Variants in FAM169A observed in about 807,000 individuals in gnomAD.
The protein encoded by FAM169A is soluble lamin-associated protein of 75 kDa.
A neutral mutation model predicts 75.7 loss-of-function variants in FAM169A; 24 were observed. The ratio of observed to expected loss-of-function variants is 0.32; its 90% CI spans 0.23 to 0.45. The LOEUF (loss-of-function observed/expected upper bound fraction) is 0.45. Ranked by LOEUF, FAM169A falls within the 20% of genes least tolerant of loss-of-function variation. The pLI is 1.00. For synonymous variants in FAM169A, 271 were observed against 271.0 expected (o/e 1.00, Z 0.00); for missense variants, 673 against 784.0 (o/e 0.86, Z 1.69).
At chr5:74,849,145 CAT>C (rs912218089) in intron 1 of FAM169A, among the ~76,000 whole-genome samples, 4 of 152,146 alleles carry the variant, frequency 2.6e-5, no homozygotes, top group Non-Finnish European at 4.4e-5. Flanking sequence ...TGTATAAAAA[CAT>C]AATACCAAGA....
chr5:74,831,525 T>A (rs566106542), intron 5 of FAM169A, among the ~76,000 whole-genome samples: 1 of 152,066 alleles, frequency 6.6e-6, no homozygotes, highest in Non-Finnish European at 1.5e-5. Context: ...GATTTCAGAT[T>A]TTGGGGGGAA....
Position 74,811,166 on chromosome 5 carries a change from T to A in FAM169A, c.670+2674A>T, listed in dbSNP as rs143576935. ...GCCCAGCTAATTTTCACATTTTTAA[T>A]GGAGATGGAATTTCACCATGTTGGC... On this transcript the variant is annotated intron_variant, in intron 6 of 12. Transcript: ENST00000687041. Among the ~76,000 whole-genome samples, 22 of 152,174 alleles carry A rather than the reference T, an allele frequency of 1.4e-4. No individual in the cohort carries two copies. The East Asian group carries it at 4.3e-3, about 29-fold the overall frequency.
Position 74,779,032 on chromosome 5 carries a change from CTCTATAA to C in FAM169A, c.*2421_*2427del. 1.3e-5 allele frequency: 2 copies of C among 152,206 alleles called. No homozygotes were observed. Among genetic ancestry groups the C allele is most frequent in the East Asian group, 3.9e-4 (2 of 5,188 alleles). 9.4% of individuals were successfully genotyped at this position (152,206 alleles called of 1,614,324 possible). A position where few individuals can be genotyped will look rare whatever the true frequency, so the allele number is the denominator to read the frequency against. On this transcript the variant is annotated 3_prime_UTR_variant, in exon 13 of 13. Coordinates refer to ENST00000687041, the MANE Select transcript of FAM169A (RefSeq NM_001376049.1). ...TTTTTCCAAGTGATCTAACTTTTCC[CTCTATAA>C]TCTATAAACCCCAAAATAACAATTT...
In FAM169A at chr5:74,781,868, A is replaced by G; in HGVS notation, c.1605T>C (p.Asn535=). Residue 535 remains asparagine (N), a synonymous_variant, in exon 13 of 13, where the codon AAT becomes AAC. Transcript: ENST00000687041. ...GAAAACCACCATCAGATCGTTCTTC[A>G]TTTGACATAGTAGCAACATTGTCTG... is the stretch of plus-strand genomic sequence containing the variant. ...GSSDNVATMS[N]EERSDGGFPN... 1 of 1,614,098 alleles carries G rather than the reference A, an allele frequency of 6.2e-7. No homozygotes were observed. The highest frequency in any genetic ancestry group is 1.1e-5 in the South Asian group (1 of 91,086).
chr5:74,783,906 G>A (rs1373857698), intron 11 of FAM169A, among the ~76,000 whole-genome samples: 2 of 152,132 alleles, frequency 1.3e-5, no homozygotes, highest in Non-Finnish European at 2.9e-5. Context: ...ATTTGACTGT[G>A]TAGGACCCCT....
At chr5:74,814,498 G>A (rs1220175136) in intron 5 of FAM169A, among the ~76,000 whole-genome samples, 1 of 151,328 alleles carries the variant, frequency 6.6e-6, no homozygotes, top group Non-Finnish European at 1.5e-5. Context: ...TTTTCCTAAC[G>A]AGTACCATTT....
intron 5 of FAM169A, among the ~76,000 whole-genome samples, chr5:74,825,649 C>A (rs538767309): frequency 2.6e-5 from 4 of 152,258 alleles, no homozygotes; most frequent in Admixed American, 1.3e-4. Context: ...AAATTTCCTT[C>A]TTTCACTCTC....
chr5:74,799,533 G>A, intron 10 of FAM169A: 1 of 1,552,684 alleles, frequency 6.4e-7, no homozygotes, highest in Non-Finnish European at 8.9e-7. Flanking sequence ...ATGAAAAGCT[G>A]GCCAGCATGC....
intron 11 of FAM169A, among the ~76,000 whole-genome samples, chr5:74,795,225 T>G (rs560156070): frequency 2.0e-5 from 3 of 152,266 alleles, no homozygotes; most frequent in Admixed American, 2.0e-4. Context: ...GCCACTGCAC[T>G]CCAGCCTGGG....
chr5:74,799,741 T>C, intron 10 of FAM169A: 2 of 1,151,424 alleles, frequency 1.7e-6, no homozygotes, highest in Non-Finnish European at 2.6e-6. Context: ...CAGCTGCTCC[T>C]GAGTGTGTCA....
At chr5:74,848,961 C>T (rs902327051) in intron 1 of FAM169A, 1 of 152,132 alleles carries the variant, frequency 6.6e-6, no homozygotes, top group African/African-American at 2.4e-5. Flanking sequence ...ACTTTATGCT[C>T]TGTCCATGAG....
chr5:74,833,136 G>A (rs1748402994), intron 5 of FAM169A, among the ~76,000 whole-genome samples: 1 of 152,086 alleles, frequency 6.6e-6, no homozygotes, highest in Admixed American at 6.6e-5. Context: ...GTATAAACTA[G>A]TTATGCTCCA....
intron 7 of FAM169A, 82 bp downstream of exon 7, chr5:74,805,074 T>C (rs1423059538): frequency 4.1e-6 from 5 of 1,232,496 alleles, no homozygotes; most frequent in Non-Finnish European, 5.9e-6. Context: ...CTCTGCTTTT[T>C]AAACTGGACT....
At chr5:74,831,317 G>C (rs188770394) in intron 5 of FAM169A, among the ~76,000 whole-genome samples, 14 of 152,272 alleles carry the variant, frequency 9.2e-5, no homozygotes, top group African/African-American at 3.1e-4. Context: ...TTTCTGAGTT[G>C]TACAGTAGAC....
At chr5:74,801,245 G>GT (rs1304442028) in intron 9 of FAM169A, among the ~76,000 whole-genome samples, 9 of 152,246 alleles carry the variant, frequency 5.9e-5, no homozygotes, top group African/African-American at 1.9e-4. Flanking sequence ...TATGAACTGT[G>GT]TAAGTCATTC....
At chr5:74,808,482 G>A (rs1747003360) in intron 6 of FAM169A, among the ~76,000 whole-genome samples, 1 of 152,118 alleles carries the variant, frequency 6.6e-6, no homozygotes, top group South Asian at 2.1e-4. Flanking sequence ...ATGGGGGTAG[G>A]GGAAAAGGGG....
At chr5:74,822,002 C>T (rs980118238) in intron 5 of FAM169A, among the ~76,000 whole-genome samples, 1 of 152,172 alleles carries the variant, frequency 6.6e-6, no homozygotes, top group African/African-American at 2.4e-5. Context: ...TCAGAGTAGT[C>T]TCCAGGTCGT....
In FAM169A at chr5:74,866,303, G is replaced by T. The variant is rs1202537913; in HGVS notation, c.-142C>A. On this transcript the variant is annotated 5_prime_UTR_variant, in exon 1 of 13. Coordinates refer to ENST00000687041, the MANE Select transcript of FAM169A (RefSeq NM_001376049.1). ...AGCTCGCGGCTGCCAGGGCGAGTGC[G>T]GCTGCCTCCCGCTCGCCCCGGACGC... 4.1e-6 allele frequency: 4 copies of T among 984,148 alleles called. No homozygotes were observed. The African/African-American group carries it at 7.0e-5, about 17-fold the overall frequency. 61.0% of individuals were successfully genotyped at this position (984,148 alleles called of 1,614,324 possible).
upstream of FAM169A, chr5:74,866,871 G>A: frequency 2.0e-6 from 2 of 985,512 alleles, no homozygotes; most frequent in Non-Finnish European, 1.2e-6. Flanking sequence ...AGAGGGCACG[G>A]GCGAGGACCG....
Sources: allele counts gnomAD v4.1 joint callset (sites outside exome capture counted in the v4.1 genomes callset), GRCh38; gene constraint gnomAD v4.1.1; transcripts MANE v1.5; gene names NCBI Gene and HGNC (gene_info 2026-07-23, HGNC 2026-07-21).